FANCC: variants seen among roughly 807,000 people sequenced by gnomAD.
The protein encoded by FANCC is FA complementation group C.
A neutral mutation model predicts 71.3 loss-of-function variants in FANCC; 55 were observed. The observed-to-expected ratio is 0.77, with a 90% CI of 0.62 to 0.97. The LOEUF (loss-of-function observed/expected upper bound fraction) is 0.97, where lower values mean the gene tolerates loss of function less well. Among genes scored for constraint, FANCC ranks in the 50% least tolerant of loss-of-function variants. FANCC has a pLI of 0.00. For missense variants in FANCC, 678 were observed against 670.9 expected (o/e 1.01, Z -0.12); for synonymous variants, 275 against 244.9 (o/e 1.12, Z -1.15).
At chr9:95,172,697 A>G (rs1825762483) in intron 4 of FANCC, among the ~76,000 whole-genome samples, 1 of 152,214 alleles carries the variant, frequency 6.6e-6, no homozygotes. Flanking sequence ...CTATCTGTAA[A>G]AAGAAAAAAA....
At chr9:95,133,417 C>T (rs942820199) in intron 8 of FANCC, among the ~76,000 whole-genome samples, 7 of 152,236 alleles carry the variant, frequency 4.6e-5, no homozygotes, top group Admixed American at 1.3e-4. Flanking sequence ...CACACATGAT[C>T]CCGATAAAAG....
intron 4 of FANCC, among the ~76,000 whole-genome samples, chr9:95,231,173 C>CTATTT (rs1829986825): frequency 2.0e-5 from 3 of 152,212 alleles, no homozygotes; most frequent in Admixed American, 2.0e-4. Flanking sequence ...ATACCAAATA[C>CTATTT]TATTTTAGAC....
At chr9:95,242,390 G>A (rs956927878) in intron 3 of FANCC, among the ~76,000 whole-genome samples, 6 of 150,024 alleles carry the variant, frequency 4.0e-5, no homozygotes, top group African/African-American at 1.2e-4. Flanking sequence ...TGTGACAGAT[G>A]CATCCAATGG....
chr9:95,226,503 C>T (rs1028159431), intron 4 of FANCC, among the ~76,000 whole-genome samples: 9 of 152,050 alleles, frequency 5.9e-5, no homozygotes, highest in African/African-American at 9.7e-5. Flanking sequence ...GGGTAGCTGC[C>T]CAGGAACACG....
At chr9:95,118,084 TC>T (rs1385733756) in intron 10 of FANCC, among the ~76,000 whole-genome samples, 1 of 152,082 alleles carries the variant, frequency 6.6e-6, no homozygotes, top group Non-Finnish European at 1.5e-5. Flanking sequence ...AGAGGCACAA[TC>T]TCAGCTCACT....
At chr9:95,237,257 T>C (rs1672098692) in intron 4 of FANCC, among the ~76,000 whole-genome samples, 2 of 152,354 alleles carry the variant, frequency 1.3e-5, no homozygotes, top group East Asian at 1.9e-4. Context: ...ATGTAAAGCA[T>C]GTTTGGGACT....
chr9:95,218,684 C>T (rs1829033094), intron 4 of FANCC, among the ~76,000 whole-genome samples: 1 of 152,056 alleles, frequency 6.6e-6, no homozygotes, highest in Non-Finnish European at 1.5e-5. Context: ...ATTCTCCATA[C>T]TAGAATAGTA....
At chr9:95,227,062 C>T (rs993211194) in intron 4 of FANCC, among the ~76,000 whole-genome samples, 1 of 152,140 alleles carries the variant, frequency 6.6e-6, no homozygotes, top group African/African-American at 2.4e-5. Flanking sequence ...CATAGCTGTT[C>T]CTCCCCAAAG....
intron 1 of FANCC, among the ~76,000 whole-genome samples, chr9:95,304,221 AGAG>A (rs1834934487): frequency 6.6e-6 from 1 of 152,210 alleles, no homozygotes; most frequent in Non-Finnish European, 1.5e-5. Context: ...CTTCACATCA[AGAG>A]GAGGGAGAAA....
At chr9:95,276,473 AG>A (rs2136240613) in intron 1 of FANCC, among the ~76,000 whole-genome samples, 2 of 152,278 alleles carry the variant, frequency 1.3e-5, no homozygotes, top group African/African-American at 4.8e-5. Flanking sequence ...CCACTTATTT[AG>A]GGGCAGGGCA....
chr9:95,154,729 A>G (rs751377853), intron 6 of FANCC, among the ~76,000 whole-genome samples: 12 of 152,216 alleles, frequency 7.9e-5, no homozygotes, highest in Non-Finnish European at 1.5e-4. Flanking sequence ...GAATAAAGAA[A>G]TGGAATAGGA....
At chr9:95,144,659 A>T (rs1277968920) in intron 7 of FANCC, among the ~76,000 whole-genome samples, 2 of 152,248 alleles carry the variant, frequency 1.3e-5, no homozygotes, top group Non-Finnish European at 2.9e-5. Flanking sequence ...TCTCCTGTGA[A>T]ATATATTCCT....
In FANCC at chr9:95,107,062, T is replaced by C; in HGVS notation, c.1533+4A>G. On this transcript the variant is annotated splice_donor_region_variant and intron_variant, in intron 14 of 14. Coordinates refer to ENST00000289081, the MANE Select transcript of FANCC (RefSeq NM_000136.3). The stretch of plus-strand genomic sequence containing the variant: ...CTAGGATGCTGGACCACAGGGAGAC[T>C]TACCAGGGTGATGACATCCCAGGCG... The C allele has an allele frequency of 6.2e-7, 1 of 1,614,126 alleles. No individual in the cohort carries two copies. Among genetic ancestry groups the C allele is most frequent in the South Asian group, 1.1e-5 (1 of 91,074 alleles).
intron 14 of FANCC, among the ~76,000 whole-genome samples, chr9:95,102,473 T>TA (rs2071136382): frequency 6.6e-6 from 1 of 152,222 alleles, no homozygotes; most frequent in Non-Finnish European, 1.5e-5. Flanking sequence ...GTGAGAATCT[T>TA]ACAATTTAGC....
chr9:95,110,029 A>C (rs957524205), intron 13 of FANCC, among the ~76,000 whole-genome samples: 2 of 152,232 alleles, frequency 1.3e-5, no homozygotes, highest in Non-Finnish European at 2.9e-5. Context: ...TTGAACTGCC[A>C]GGCAGATGGG....
intron 4 of FANCC, among the ~76,000 whole-genome samples, chr9:95,201,462 T>C (rs1334300877): frequency 6.6e-6 from 1 of 152,186 alleles, no homozygotes; most frequent in South Asian, 2.1e-4. Flanking sequence ...AGCCAAAGAA[T>C]TGAAGGCCTG....
intron 6 of FANCC, among the ~76,000 whole-genome samples, chr9:95,166,519 T>C (rs1297351005): frequency 1.3e-5 from 2 of 152,158 alleles, no homozygotes; most frequent in East Asian, 1.9e-4. Context: ...GTTATCAATA[T>C]CACAAATTAC....
chr9:95,126,138 G>T (rs2134956424), intron 9 of FANCC, among the ~76,000 whole-genome samples: 1 of 152,226 alleles, frequency 6.6e-6, no homozygotes. Flanking sequence ...TATTTTTCTT[G>T]GCTTTCTTTA....
At chr9:95,141,173 A>T (rs537501910) in intron 7 of FANCC, among the ~76,000 whole-genome samples, 7 of 151,914 alleles carry the variant, frequency 4.6e-5, no homozygotes, top group African/African-American at 1.7e-4. Flanking sequence ...TTAGCAAGGC[A>T]TGGTGGCACA....
Sources: allele counts gnomAD v4.1 joint callset (sites outside exome capture counted in the v4.1 genomes callset), GRCh38; gene constraint gnomAD v4.1.1; transcripts MANE v1.5; gene names NCBI Gene and HGNC (gene_info 2026-07-23, HGNC 2026-07-21).